Variants in SLCO4A1 observed in about 807,000 individuals in gnomAD.
SLCO4A1 encodes colon organic anion transporter.
SLCO4A1 carries 51 observed loss-of-function variants against 64.6 expected under a neutral mutation model. The observed-to-expected ratio is 0.79, with a 90% CI of 0.63 to 1.00. The LOEUF (loss-of-function observed/expected upper bound fraction) is 1.00. SLCO4A1 is among the 50% of genes least tolerant of loss of function. SLCO4A1 has a pLI of 0.00. For synonymous variants in SLCO4A1, 471 were observed against 444.9 expected, an observed-to-expected ratio of 1.06 and a Z score of -0.74; for missense variants, 919 against 980.5, an observed-to-expected ratio of 0.94 and a Z score of 0.84.
At chr20:62,686,479 G>A (rs923662960), downstream of SLCO4A1, among the ~76,000 whole-genome samples, 3 of 152,226 alleles carry the variant, frequency 2.0e-5, no homozygotes, top group Non-Finnish European at 4.4e-5. Context: ...CTGGCGCCAG[G>A]AGCGGGGAAG....
Position 62,661,061 on chromosome 20 carries a change from C to A in SLCO4A1, c.1010-3C>A, listed in dbSNP as rs779582758. Reference sequence around the variant, plus strand: ...AGCCCCAGCTCACTCTGTGCCCTTCCAGGCTCCCAGCGCTACGCGGTCATG... The same window carrying A: ...AGCCCCAGCTCACTCTGTGCCCTTCAAGGCTCCCAGCGCTACGCGGTCATG... On this transcript the variant is annotated splice_region_variant and splice_polypyrimidine_tract_variant and intron_variant, in intron 4 of 11. Coordinates refer to ENST00000217159, the MANE Select transcript of SLCO4A1 (RefSeq NM_016354.4). This position sits in a 1 kb window ranked among gnomAD's most constrained non-coding sequence, Gnocchi z 5.2. The A allele has an allele frequency of 1.1e-6, 1 of 902,920 alleles. No individual in the cohort carries two copies. The highest frequency in any genetic ancestry group is 1.7e-6 in the Non-Finnish European group (1 of 600,988). 55.9% of individuals were successfully genotyped at this position (902,920 alleles called of 1,614,324 possible).
chr20:62,668,009 C>T lies in SLCO4A1; in HGVS notation c.1639-3C>T, dbSNP rs370083147. The T allele has an allele frequency of 4.3e-6, 7 of 1,613,964 alleles. No homozygotes were observed. In the African/African-American group the frequency reaches 5.3e-5, roughly 12 times the overall value. On this transcript the variant is annotated splice_region_variant and splice_polypyrimidine_tract_variant and intron_variant, in intron 8 of 11. Coordinates refer to ENST00000217159, the MANE Select transcript of SLCO4A1 (RefSeq NM_016354.4). ...TAATCGGAGCTATTGTTGGGCTTCC[C>T]AGGTGTACCGAGACTGTAGCTGTAT... is the stretch of plus-strand genomic sequence containing the variant.
At chr20:62,687,697 C>T (rs1419602329), downstream of SLCO4A1, among the ~76,000 whole-genome samples, 9 of 152,184 alleles carry the variant, frequency 5.9e-5, no homozygotes, top group Non-Finnish European at 1.2e-4. Context: ...TCGGGGTGCA[C>T]GGGCTGTGGG....
Position 62,661,298 on chromosome 20 carries a change from A to G in SLCO4A1, c.1121+123A>G. On this transcript the variant is annotated intron_variant, in intron 5 of 11. Coordinates refer to ENST00000217159, the MANE Select transcript of SLCO4A1 (RefSeq NM_016354.4). This position sits in a 1 kb window ranked among gnomAD's most constrained non-coding sequence, Gnocchi z 5.2. ...GACGCAGCCCCTAACCTCTGTCGTG[A>G]CCCTGGGCCAAGAGATTAAGGAGCA... 1 of 690,894 alleles carries G rather than the reference A, an allele frequency of 1.4e-6. No homozygotes were observed. Among genetic ancestry groups the G allele is most frequent in the Non-Finnish European group, 2.6e-6 (1 of 391,908 alleles). The allele number at this position is 690,894 out of a possible 1,614,324, so 42.8% of individuals were successfully genotyped here.
Position 62,656,381 on chromosome 20 carries a change from C to T in SLCO4A1, c.-74C>T, listed in dbSNP as rs1470522037. ...CAGGACACACCAGCCCCTCGGATACCACTTGGCCACTCCCGCTGAGGCCAC... is the reference window on the plus strand; with the variant it reads ...CAGGACACACCAGCCCCTCGGATACTACTTGGCCACTCCCGCTGAGGCCAC... On this transcript the variant is annotated 5_prime_UTR_variant, in exon 2 of 12. Transcript: ENST00000217159. 3.0e-6 allele frequency: 4 copies of T among 1,313,968 alleles called. No individual in the cohort carries two copies. The African/African-American group carries it at 4.5e-5, about 15-fold the overall frequency. 81.4% of individuals were successfully genotyped at this position (1,313,968 alleles called of 1,614,324 possible). A position where few individuals can be genotyped will look rare whatever the true frequency, so the allele number is the denominator to read the frequency against.
At position 62,661,030 on chromosome 20, in the gene SLCO4A1, G is replaced by GCCCCCCCCCCCCCCCCCCCCCCCCCCCCC; in HGVS notation, c.1010-29_1010-28insCCCCCCCCCCCCCCCCCCCCCCCCCCCCC. 1 of 518,136 alleles carries GCCCCCCCCCCCCCCCCCCCCCCCCCCCCC rather than the reference G, an allele frequency of 1.9e-6. No homozygotes were observed. Among genetic ancestry groups the GCCCCCCCCCCCCCCCCCCCCCCCCCCCCC allele is most frequent in the South Asian group, 1.5e-5 (1 of 68,816 alleles). The allele number at this position is 518,136 out of a possible 1,614,324, so 32.1% of individuals were successfully genotyped here. On this transcript the variant is annotated intron_variant, in intron 4 of 11. Coordinates refer to ENST00000217159, the MANE Select transcript of SLCO4A1 (RefSeq NM_016354.4). The surrounding 1 kb of genome is among the most constrained non-coding windows in gnomAD (Gnocchi z 5.2). ...AGAAGTCCACCTCCGGGAGCCCCCA[G>GCCCCCCCCCCCCCCCCCCCCCCCCCCCCC]CCCCCAGCCCCAGCTCACTCTGTGC...
At position 62,658,777 on chromosome 20, in the gene SLCO4A1, C is replaced by T. The variant is rs1984227933; in HGVS notation, c.887+10C>T. On this transcript the variant is annotated intron_variant, in intron 3 of 11. Transcript: ENST00000217159. ...CGGAAATGGGCCGACGGTGAGTGGC[C>T]GCGCACCCAGCTGCCTGCGCTGGAG... The T allele has an allele frequency of 2.5e-6, 4 of 1,594,984 alleles. No individual in the cohort carries two copies. The highest frequency in any genetic ancestry group is 3.4e-6 in the Non-Finnish European group (4 of 1,170,230).
chr20:62,662,589 G>A (rs1232344512), intron 5 of SLCO4A1, among the ~76,000 whole-genome samples: 1 of 152,222 alleles, frequency 6.6e-6, no homozygotes, highest in Admixed American at 6.5e-5. Context: ...AATTCAACAC[G>A]AGAATTTCAG....
intron 1 of SLCO4A1, among the ~76,000 whole-genome samples, chr20:62,646,998 C>T (rs1422021927): frequency 1.3e-5 from 2 of 152,276 alleles, no homozygotes; most frequent in Non-Finnish European, 2.9e-5. Context: ...CGCACCCTGG[C>T]TCCCTCTTGC....
chr20:62,656,718 G>A lies in SLCO4A1; in HGVS notation c.264G>A (p.Trp88Ter), dbSNP rs530184847. ...VSAGQSVACG[W>*]WAFAPPCLQV... Reference sequence around the variant, plus strand: ...CCGGGCAGAGCGTGGCGTGCGGCTGGTGGGCCTTCGCACCGCCGTGCCTGC... The same window carrying A: ...CCGGGCAGAGCGTGGCGTGCGGCTGATGGGCCTTCGCACCGCCGTGCCTGC... The change falls in exon 2 of 12, where the codon TGG (tryptophan) becomes TGA (stop). Residue 88 changes from tryptophan (W) to a stop codon, truncating the protein, a stop_gained. Transcript: ENST00000217159. LOFTEE classifies it high-confidence loss of function. 5 of 1,610,790 alleles carry A rather than the reference G, an allele frequency of 3.1e-6. No homozygotes were observed. The highest frequency in any genetic ancestry group is 4.2e-6 in the Non-Finnish European group (5 of 1,179,058).
chr20:62,656,018 C>T (rs527975657), intron 1 of SLCO4A1, among the ~76,000 whole-genome samples: 3 of 152,346 alleles, frequency 2.0e-5, no homozygotes, highest in South Asian at 4.1e-4. Context: ...CACTCTCCAC[C>T]GCGTGGCCCC....
downstream of SLCO4A1, among the ~76,000 whole-genome samples, chr20:62,675,865 C>T (rs555649579): frequency 1.4e-4 from 22 of 152,254 alleles, no homozygotes; most frequent in African/African-American, 4.6e-4. Flanking sequence ...AGGAAGGTGC[C>T]GGCCACAGGG....
chr20:62,658,639 G>A, intron 2 of SLCO4A1, 38 bp from the exon 3 acceptor site: 2 of 1,538,550 alleles, frequency 1.3e-6, no homozygotes, highest in South Asian at 1.2e-5. Flanking sequence ...GCCCCTGGGT[G>A]GTGCACAGCG....
chr20:62,662,123 T>C (rs959154818), intron 5 of SLCO4A1, among the ~76,000 whole-genome samples: 4 of 151,968 alleles, frequency 2.6e-5, no homozygotes, highest in Non-Finnish European at 4.4e-5. Flanking sequence ...TCAACCAGGA[T>C]AGGAGGGAAG....
At chr20:62,660,960 C>T (rs1206178336) in intron 4 of SLCO4A1, 104 bp from the exon 5 acceptor site, 1 of 800,784 alleles carries the variant, frequency 1.2e-6, no homozygotes, top group Non-Finnish European at 2.0e-6. Flanking sequence ...AGTGACGTTC[C>T]CAGACCGGGG....
At chr20:62,682,487 C>T (rs527887404) in intron 2 of SLCO4A1, among the ~76,000 whole-genome samples, 28 of 152,262 alleles carry the variant, frequency 1.8e-4, no homozygotes, top group South Asian at 6.2e-4. Flanking sequence ...GCGTGGTGAC[C>T]GCTGAGGGGA....
chr20:62,647,863 G>T (rs912050340), intron 1 of SLCO4A1, among the ~76,000 whole-genome samples: 4 of 152,252 alleles, frequency 2.6e-5, no homozygotes, highest in African/African-American at 9.6e-5. Flanking sequence ...CTTGAGAGGA[G>T]GGGGAGGAAG....
In SLCO4A1 at chr20:62,684,898, C is replaced by T. The variant is rs185339444; in HGVS notation, n.212-543C>T. Among the ~76,000 whole-genome samples the T allele has an allele frequency of 3.2e-4, 49 of 152,316 alleles. No individual in the cohort carries two copies. The East Asian group carries it at 7.5e-3, about 23-fold the overall frequency. On this transcript the variant is annotated intron_variant and non_coding_transcript_variant, in intron 2 of 2. Transcript: ENST00000466818. ...TTAGTCTGCAGCAACGACCCGACCA[C>T]ACCAGCTGGGCAACGAGAGCTGCGA...
intron 2 of SLCO4A1, among the ~76,000 whole-genome samples, chr20:62,682,213 G>C (rs1987866082): frequency 6.6e-6 from 1 of 152,208 alleles, no homozygotes; most frequent in Admixed American, 6.5e-5. Context: ...GATGGAGAAG[G>C]GGGTGCACCT....
Sources: allele counts gnomAD v4.1 joint callset (sites outside exome capture counted in the v4.1 genomes callset), GRCh38; gene constraint gnomAD v4.1.1; non-coding constraint Gnocchi (gnomAD v3.1); transcripts MANE v1.5; gene names NCBI Gene and HGNC (gene_info 2026-07-23, HGNC 2026-07-21).